Variants in GULP1 observed in about 807,000 individuals in gnomAD.
GULP1 encodes the protein PTB domain-containing engulfment adapter protein 1.
GULP1 carries 19 observed loss-of-function variants against 40.9 expected under a neutral mutation model. The observed-to-expected ratio is 0.46, with a 90% CI of 0.32 to 0.68. GULP1 has a LOEUF of 0.68. Ranked by LOEUF, GULP1 falls within the 30% of genes least tolerant of loss-of-function variation. The probability of loss-of-function intolerance (pLI) is 0.03; values close to 1 mark genes in which losing one functional copy is unlikely to be tolerated. For synonymous variants in GULP1, 119 were observed against 117.6 expected (o/e 1.01, Z -0.08); for missense variants, 312 against 362.2 (o/e 0.86, Z 1.12).
intron 11 of GULP1, chr2:188,593,663 G>GA (rs1172916082): frequency 9.5e-6 from 2 of 209,798 alleles, no homozygotes; most frequent in Non-Finnish European, 1.9e-5. Context: ...AGCCTTTTCT[G>GA]AAAAAGAAAC....
chr2:188,573,716 A>G (rs1244279359), intron 9 of GULP1, among the ~76,000 whole-genome samples: 1 of 138,214 alleles, frequency 7.2e-6, no homozygotes, highest in Non-Finnish European at 1.6e-5. Flanking sequence ...TCATCAGTTT[A>G]TTCAAAGGAT....
At chr2:188,360,648 C>T (rs2045954758) in intron 1 of GULP1, among the ~76,000 whole-genome samples, 1 of 151,878 alleles carries the variant, frequency 6.6e-6, no homozygotes, top group African/African-American at 2.4e-5. Context: ...ATGTCTGATC[C>T]CTGTGTCCTT....
intron 1 of GULP1, among the ~76,000 whole-genome samples, chr2:188,318,761 T>A (rs1425984447): frequency 6.6e-6 from 1 of 152,188 alleles, no homozygotes; most frequent in African/African-American, 2.4e-5. Context: ...TTGCATGTAA[T>A]TAAAAGCAGG....
chr2:188,408,543 G>C (rs2053443567), intron 2 of GULP1, among the ~76,000 whole-genome samples: 1 of 152,148 alleles, frequency 6.6e-6, no homozygotes, highest in South Asian at 2.1e-4. Flanking sequence ...GACCTGAAGA[G>C]AGAGATAGAC....
In GULP1 at chr2:188,500,452, G is replaced by A. The variant is rs1367043016; in HGVS notation, c.90+16960G>A. On this transcript the variant is annotated intron_variant, in intron 4 of 11. Transcript: ENST00000409830. ...TCTCTGCTCCTGCACACCAGCTGTG[G>A]CAGTGTTAATAAGCATCAAAATTGC... Among the ~76,000 whole-genome samples the A allele has an allele frequency of 2.0e-5, 3 of 151,958 alleles. No homozygotes were observed. The East Asian group carries it at 5.8e-4, about 30-fold the overall frequency.
chr2:188,576,830 A>G (rs1700267097), intron 9 of GULP1, among the ~76,000 whole-genome samples: 1 of 152,094 alleles, frequency 6.6e-6, no homozygotes. Flanking sequence ...TGGTTTGGCA[A>G]TAGATTAGAG....
At chr2:188,493,591 G>A (rs2062618385) in intron 4 of GULP1, among the ~76,000 whole-genome samples, 1 of 151,970 alleles carries the variant, frequency 6.6e-6, no homozygotes, top group African/African-American at 2.4e-5. Flanking sequence ...TTGTCTAGCA[G>A]ACACATAACT....
At chr2:188,310,527 T>C (rs1380304594) in intron 1 of GULP1, among the ~76,000 whole-genome samples, 1 of 152,162 alleles carries the variant, frequency 6.6e-6, no homozygotes, top group Non-Finnish European at 1.5e-5. Flanking sequence ...GACAAGGAAA[T>C]ATGAGACAAA....
At chr2:188,369,054 A>G (rs2047249514) in intron 1 of GULP1, among the ~76,000 whole-genome samples, 3 of 148,534 alleles carry the variant, frequency 2.0e-5, no homozygotes, top group South Asian at 4.3e-4. Flanking sequence ...CCTGCCTCCT[A>G]GATTCAAGCA....
chr2:188,433,499 C>G (rs554013811), intron 2 of GULP1, among the ~76,000 whole-genome samples: 1 of 152,054 alleles, frequency 6.6e-6, no homozygotes, highest in East Asian at 1.9e-4. Context: ...CTGAAAACTT[C>G]CCAGGAAAAG....
At chr2:188,413,864 T>A (rs1168370732) in intron 2 of GULP1, among the ~76,000 whole-genome samples, 1 of 152,190 alleles carries the variant, frequency 6.6e-6, no homozygotes, top group African/African-American at 2.4e-5. Flanking sequence ...ATGTTCCTAT[T>A]TCAATTTTCT....
At chr2:188,304,977 G>T (rs2036804232) in intron 1 of GULP1, among the ~76,000 whole-genome samples, 1 of 151,976 alleles carries the variant, frequency 6.6e-6, no homozygotes, top group Non-Finnish European at 1.5e-5. Context: ...TATCTCTCTG[G>T]AGATAATGTC....
At chr2:188,585,171 G>A (rs776114572) in intron 10 of GULP1, among the ~76,000 whole-genome samples, 3 of 152,198 alleles carry the variant, frequency 2.0e-5, no homozygotes, top group Non-Finnish European at 2.9e-5. Context: ...TCCAGGGCAT[G>A]CTAATGCAAG....
At chr2:188,448,642 C>G (rs2058593301) in intron 2 of GULP1, among the ~76,000 whole-genome samples, 1 of 152,144 alleles carries the variant, frequency 6.6e-6, no homozygotes, top group Admixed American at 6.6e-5. Context: ...CAGAGAATGA[C>G]TGTATTAAAT....
At chr2:188,479,738 T>C (rs959120473) in intron 3 of GULP1, among the ~76,000 whole-genome samples, 2 of 152,140 alleles carry the variant, frequency 1.3e-5, no homozygotes, top group African/African-American at 4.8e-5. Context: ...ACATCTGTAA[T>C]TTACTGTTTA....
At chr2:188,302,425 A>T (rs2036291496) in intron 1 of GULP1, among the ~76,000 whole-genome samples, 1 of 152,216 alleles carries the variant, frequency 6.6e-6, no homozygotes, top group Non-Finnish European at 1.5e-5. Flanking sequence ...TATTGAAAAC[A>T]TTAAATATAC....
chr2:188,347,199 T>C (rs1459022828), intron 1 of GULP1, among the ~76,000 whole-genome samples: 1 of 152,160 alleles, frequency 6.6e-6, no homozygotes, highest in Non-Finnish European at 1.5e-5. Flanking sequence ...AAATTTACTC[T>C]ATGCTGTAGA....
intron 2 of GULP1, among the ~76,000 whole-genome samples, chr2:188,473,041 A>G (rs545209406): frequency 6.6e-6 from 1 of 152,322 alleles, no homozygotes; most frequent in South Asian, 2.1e-4. Flanking sequence ...ACTCATAGAG[A>G]TACTGCCCTG....
intron 1 of GULP1, among the ~76,000 whole-genome samples, chr2:188,356,789 G>C (rs1020539161): frequency 1.3e-5 from 2 of 151,868 alleles, no homozygotes; most frequent in African/African-American, 4.8e-5. Context: ...ATACTACTAA[G>C]GACTAATGAC....
Sources: allele counts gnomAD v4.1 joint callset (sites outside exome capture counted in the v4.1 genomes callset), GRCh38; gene constraint gnomAD v4.1.1; transcripts MANE v1.5; gene names NCBI Gene and HGNC (gene_info 2026-07-23, HGNC 2026-07-21).